TRDN: variants seen among roughly 807,000 people sequenced by gnomAD.
The protein encoded by TRDN is triadin.
In TRDN, 161 loss-of-function variants were observed where a neutral mutation model predicts 149.7. The ratio of observed to expected loss-of-function variants is 1.08; its 90% CI spans 0.95 to 1.23. The LOEUF (loss-of-function observed/expected upper bound fraction) is 1.23. Ranked by LOEUF, TRDN falls within the 50% of genes most tolerant of loss-of-function variation. The pLI, the probability that TRDN is intolerant of heterozygous loss-of-function variation, is 0.00. For missense variants in TRDN, 896 were observed against 823.5 expected, an observed-to-expected ratio of 1.09 and a Z score of -1.08; for synonymous variants, 294 against 250.5, an observed-to-expected ratio of 1.17 and a Z score of -1.64.
At chr6:123,222,764 T>C (rs1221697734) in intron 39 of TRDN, among the ~76,000 whole-genome samples, 1 of 151,660 alleles carries the variant, frequency 6.6e-6, no homozygotes, top group African/African-American at 2.4e-5. Flanking sequence ...AGGTCTAATA[T>C]CCAGGATCTA....
chr6:123,284,979 G>A (rs1483025332), intron 24 of TRDN, among the ~76,000 whole-genome samples: 1 of 151,954 alleles, frequency 6.6e-6, no homozygotes, highest in Admixed American at 6.6e-5. Flanking sequence ...CCTCTACAAG[G>A]AAAACTACAA....
chr6:123,458,261 A>C (rs2114682978), intron 10 of TRDN, among the ~76,000 whole-genome samples: 1 of 152,318 alleles, frequency 6.6e-6, no homozygotes, highest in East Asian at 1.9e-4. Flanking sequence ...TGTGATAGCT[A>C]ATTTTATGCA....
rs544723919 is a variant in TRDN at position 123,614,306 on chromosome 6, A to C, written c.22+22448T>G. Among the ~76,000 whole-genome samples, 167 of 146,790 alleles carry C rather than the reference A, an allele frequency of 1.1e-3. 1 individual carries two copies. The highest frequency in any genetic ancestry group is 3.6e-3 in the African/African-American group (139 of 38,126). The stretch of plus-strand genomic sequence containing the variant: ...GCTTCATTAAAAAAAAAAACAAAAA[A>C]AAAAAAAACAAAAAAAACCCTCAAA... On this transcript the variant is annotated intron_variant, in intron 1 of 40. Coordinates refer to ENST00000334268, the MANE Select transcript of TRDN (RefSeq NM_006073.4).
intron 1 of TRDN, among the ~76,000 whole-genome samples, chr6:123,623,302 T>TA (rs756565266): frequency 1.8e-4 from 27 of 152,062 alleles, no homozygotes; most frequent in Non-Finnish European, 3.8e-4. Context: ...ATCTTATATA[T>TA]AAAATTGAAA....
At chr6:123,483,290 G>A (rs1222729348) in intron 9 of TRDN, among the ~76,000 whole-genome samples, 1 of 151,496 alleles carries the variant, frequency 6.6e-6, no homozygotes, top group East Asian at 1.9e-4. Flanking sequence ...TTTTAGTAGA[G>A]ACGGGGTTTC....
chr6:123,290,775 C>T (rs1293417056), intron 24 of TRDN, among the ~76,000 whole-genome samples: 2 of 152,002 alleles, frequency 1.3e-5, no homozygotes, highest in Admixed American at 6.6e-5. Context: ...TAATTTTTGT[C>T]TAATTTGGAA....
rs1415091531 is a variant in TRDN at position 123,216,625 on chromosome 6, A to C, written c.*1976T>G. On this transcript the variant is annotated 3_prime_UTR_variant, in exon 41 of 41. Coordinates refer to ENST00000334268, the MANE Select transcript of TRDN (RefSeq NM_006073.4). ...TACTTCAGAAATTTACTTTAATATC[A>C]TATTTATATTAAAATATTTTATTTG... The C allele has an allele frequency of 2.0e-5, 3 of 151,900 alleles. No homozygotes were observed. Among genetic ancestry groups the C allele is most frequent in the African/African-American group, 7.2e-5 (3 of 41,422 alleles). 9.4% of individuals were successfully genotyped at this position (151,900 alleles called of 1,614,324 possible).
rs573389324 is a variant in TRDN, at chr6:123,571,821, G to A, written c.23-689C>T. Among the ~76,000 whole-genome samples the A allele has an allele frequency of 1.2e-4, 19 of 152,062 alleles. 1 individual carries two copies. The South Asian group carries it at 3.9e-3, about 32-fold the overall frequency. ...TTACTAGGCAATATATCAGAAGTGTGTTTTATTGCCATTCTGTATTTCTCA... is the reference window on the plus strand; with the variant it reads ...TTACTAGGCAATATATCAGAAGTGTATTTTATTGCCATTCTGTATTTCTCA... On this transcript the variant is annotated intron_variant, in intron 1 of 40. Transcript: ENST00000334268.
intron 38 of TRDN, among the ~76,000 whole-genome samples, chr6:123,237,547 CA>C (rs1403128960): frequency 1.3e-5 from 2 of 152,192 alleles, no homozygotes; most frequent in African/African-American, 2.4e-5. Flanking sequence ...TGCGCCCTGA[CA>C]CCCTACTACC....
intron 24 of TRDN, among the ~76,000 whole-genome samples, chr6:123,311,824 G>A (rs1254755615): frequency 6.6e-6 from 1 of 151,978 alleles, no homozygotes; most frequent in Non-Finnish European, 1.5e-5. Context: ...ACTGTATTTA[G>A]ATGTTGTGCA....
intron 24 of TRDN, among the ~76,000 whole-genome samples, chr6:123,310,597 G>A (rs1778782976): frequency 6.6e-6 from 1 of 151,986 alleles, no homozygotes; most frequent in Non-Finnish European, 1.5e-5. Flanking sequence ...AAAGAAAGGT[G>A]AAGGATGTAA....
chr6:123,272,639 A>G (rs1777241511), intron 29 of TRDN, among the ~76,000 whole-genome samples: 1 of 151,930 alleles, frequency 6.6e-6, no homozygotes, highest in Non-Finnish European at 1.5e-5. Context: ...CTGAATTACA[A>G]GTTTGCTCAG....
rs73534798 is a variant in TRDN at position 123,343,151 on chromosome 6, C to A, written c.1370-5482G>T. 3.2e-3 allele frequency among the ~76,000 whole-genome samples: 480 copies of A among 152,110 alleles called. 2 individuals are homozygous for A. The highest frequency in any genetic ancestry group is 0.011 in the African/African-American group (445 of 41,530). On this transcript the variant is annotated intron_variant, in intron 21 of 40. Transcript: ENST00000334268. The stretch of plus-strand genomic sequence containing the variant: ...AAAAGAAAATTACGTATATTTAAAT[C>A]CAATGTTTACCTCACATTTTATTTT...
In TRDN at chr6:123,327,302, C is replaced by T. The variant is rs546128786; in HGVS notation, c.1471+4577G>A. On this transcript the variant is annotated intron_variant, in intron 23 of 40. Coordinates refer to ENST00000334268, the MANE Select transcript of TRDN (RefSeq NM_006073.4). ...TCTATAAAAAATAACTATATTTGGT[C>T]AGGCAATTCCACCTTATTATTTTTC... is the stretch of plus-strand genomic sequence containing the variant. Among the ~76,000 whole-genome samples the T allele has an allele frequency of 1.5e-4, 23 of 152,082 alleles. No homozygotes were observed. In the South Asian group the frequency reaches 4.8e-3, roughly 32 times the overall value.
chr6:123,367,812 A>T (rs977869869), intron 19 of TRDN, among the ~76,000 whole-genome samples: 2 of 152,144 alleles, frequency 1.3e-5, no homozygotes, highest in African/African-American at 4.8e-5. Flanking sequence ...TTTGGACCGC[A>T]CTTTGGAAAC....
intron 21 of TRDN, chr6:123,350,644 A>G (rs915211486): frequency 8.0e-6 from 6 of 754,294 alleles, no homozygotes; most frequent in Non-Finnish European, 9.7e-6. Context: ...TATTTTTTGT[A>G]TCAGTTATTA....
intron 12 of TRDN, among the ~76,000 whole-genome samples, chr6:123,405,186 G>A (rs1431278): frequency 0.32 from 49,308 of 152,094 alleles, 8,871 homozygotes; most frequent in Middle Eastern, 0.45. Context: ...ATGCTTATAT[G>A]CACAAATACC....
chr6:123,468,484 T>A (rs1418399615), intron 9 of TRDN, among the ~76,000 whole-genome samples: 1 of 152,194 alleles, frequency 6.6e-6, no homozygotes, highest in Admixed American at 6.5e-5. Flanking sequence ...GTCAATTTGG[T>A]TGTTTTTGAT....
intron 34 of TRDN, among the ~76,000 whole-genome samples, chr6:123,259,974 C>T (rs1302114289): frequency 6.7e-6 from 1 of 150,334 alleles, no homozygotes; most frequent in Non-Finnish European, 1.5e-5. Context: ...TTTCCTCCTC[C>T]TATTTATCTT....
Sources: allele counts gnomAD v4.1 joint callset (sites outside exome capture counted in the v4.1 genomes callset), GRCh38; gene constraint gnomAD v4.1.1; transcripts MANE v1.5; gene names NCBI Gene and HGNC (gene_info 2026-07-23, HGNC 2026-07-21).